CFAP46: variants seen among roughly 807,000 people sequenced by gnomAD.
The protein encoded by CFAP46 is cilia and flagella associated protein 46, also known as cilia- and flagella-associated protein 46.
In CFAP46, 245 loss-of-function variants were observed where a neutral mutation model predicts 325.7. The observed-to-expected ratio is 0.75, with a 90% CI of 0.68 to 0.84. CFAP46 has a LOEUF of 0.84. Among genes scored for constraint, CFAP46 ranks in the 40% least tolerant of loss-of-function variants. The pLI, the probability that CFAP46 is intolerant of heterozygous loss-of-function variation, is 0.00. For synonymous variants in CFAP46, 1,523 were observed against 1,495.9 expected (o/e 1.02, Z -0.42); for missense variants, 3,346 against 3,543.0 (o/e 0.94, Z 1.41).
chr10:132,836,097 C>G, intron 46 of CFAP46, 45 bp downstream of exon 46: 1 of 1,513,686 alleles, frequency 6.6e-7, no homozygotes, highest in Non-Finnish European at 8.9e-7. Flanking sequence ...CGCCCATGCT[C>G]CGCCTGCCCT....
intron 40 of CFAP46, among the ~76,000 whole-genome samples, 153 bp from the exon 41 acceptor site, chr10:132,850,585 GCTCTGGT>G (rs1848521909): frequency 6.6e-6 from 1 of 152,210 alleles, no homozygotes; most frequent in South Asian, 2.1e-4. Flanking sequence ...GGTCTCCAGG[GCTCTGGT>G]GTGGGGGTCA....
intron 25 of CFAP46, among the ~76,000 whole-genome samples, chr10:132,888,362 GCACCTGCCACCTT>G (rs1484695963): frequency 9.2e-5 from 4 of 43,706 alleles, no homozygotes; most frequent in Admixed American, 3.1e-4. Context: ...CCTGCCGCCT[GCACCTGCCACCTT>G]CACCCCTGCC....
At chr10:132,851,550 A>G (rs1336129139) in intron 39 of CFAP46, among the ~76,000 whole-genome samples, 1 of 152,174 alleles carries the variant, frequency 6.6e-6, no homozygotes, top group African/African-American at 2.4e-5. Context: ...CCGGTCACCT[A>G]GCTGCCTGCC....
chr10:132,812,652 G>T (rs573560911), intron 55 of CFAP46, 133 bp downstream of exon 55: 108 of 637,490 alleles, frequency 1.7e-4, no homozygotes, highest in African/African-American at 1.7e-3. Flanking sequence ...AGTCACAGAG[G>T]GTGGGGGGCA....
At chr10:132,918,842 T>C (rs1849676985) in intron 15 of CFAP46, among the ~76,000 whole-genome samples, 1 of 152,076 alleles carries the variant, frequency 6.6e-6, no homozygotes, top group Non-Finnish European at 1.5e-5. Flanking sequence ...CCTCCCTGAC[T>C]CCTGCAGGAC....
intron 44 of CFAP46, among the ~76,000 whole-genome samples, chr10:132,842,134 C>A (rs1164526637): frequency 6.6e-6 from 1 of 152,152 alleles, no homozygotes; most frequent in Non-Finnish European, 1.5e-5. Context: ...GTTATTTTTT[C>A]CCTTTTGCAG....
chr10:132,898,806 C>A (rs572236052), intron 24 of CFAP46, 153 bp downstream of exon 24: 2 of 1,061,490 alleles, frequency 1.9e-6, no homozygotes, highest in Non-Finnish European at 2.8e-6. Context: ...ACTTGGAGAC[C>A]CCCCTTAACC....
At chr10:132,899,793 C>T in intron 22 of CFAP46, 127 bp from the exon 23 acceptor site, 1 of 1,113,344 alleles carries the variant, frequency 9.0e-7, no homozygotes, top group Non-Finnish European at 1.2e-6. Flanking sequence ...TCCTGGCCCA[C>T]AAGCACATGT....
chr10:132,834,871 C>G (rs533961822), intron 47 of CFAP46, 96 bp from the exon 48 acceptor site: 2 of 1,458,912 alleles, frequency 1.4e-6, no homozygotes, highest in South Asian at 2.8e-5. Context: ...GAGCTCCTGC[C>G]CCTTCTGCAA....
At chr10:132,837,815 A>G (rs1235797085) in intron 44 of CFAP46, among the ~76,000 whole-genome samples, 20 of 151,100 alleles carry the variant, frequency 1.3e-4, no homozygotes, top group Admixed American at 1.3e-3. Context: ...GCACACGTAC[A>G]CAGATGCACA....
intron 15 of CFAP46, 83 bp from the exon 16 acceptor site, chr10:132,918,603 G>C: frequency 6.9e-7 from 1 of 1,451,704 alleles, no homozygotes; most frequent in Non-Finnish European, 9.1e-7. Flanking sequence ...CCATCTTGGA[G>C]TGCCTGAGCC....
chr10:132,821,233 ATGTGTGCTGTG>A (rs1372226024), intron 50 of CFAP46, among the ~76,000 whole-genome samples: 751 of 65,074 alleles, frequency 0.012, 9 homozygotes, highest in Middle Eastern at 0.033. Context: ...GTGTGTGCTG[ATGTGTGCTGTG>A]TGTGTGCTGT....
intron 21 of CFAP46, 88 bp downstream of exon 21, chr10:132,909,049 G>A (rs1564797077): frequency 2.2e-6 from 2 of 927,764 alleles, no homozygotes; most frequent in East Asian, 5.3e-5. Context: ...CATGCACGAT[G>A]GGGCTCGAGT....
In CFAP46 at chr10:132,939,552, G is replaced by A. The variant is rs952239588; in HGVS notation, c.372-799C>T. On this transcript the variant is annotated intron_variant, in intron 4 of 57. Transcript: ENST00000368586. This position sits in a 1 kb window ranked among gnomAD's most constrained non-coding sequence, Gnocchi z 4.6. The stretch of plus-strand genomic sequence containing the variant: ...ACCAGCACTGCTCAATGCCCAGGTG[G>A]GAGGAGGACACCAGGGTGGCTGTGG... Among the ~76,000 whole-genome samples the A allele has an allele frequency of 3.3e-5, 5 of 152,200 alleles. No homozygotes were observed. Among genetic ancestry groups the A allele is most frequent in the Admixed American group, 2.6e-4 (4 of 15,278 alleles).
chr10:132,901,138 T>C (rs761054589), intron 22 of CFAP46, among the ~76,000 whole-genome samples: 7 of 152,234 alleles, frequency 4.6e-5, no homozygotes, highest in Non-Finnish European at 8.8e-5. Flanking sequence ...TAGTTTATCA[T>C]TGGGTCTTGC....
intron 27 of CFAP46, among the ~76,000 whole-genome samples, chr10:132,883,344 C>T (rs1849074865): frequency 6.6e-6 from 1 of 152,240 alleles, no homozygotes; most frequent in Non-Finnish European, 1.5e-5. Flanking sequence ...TCTCCAACAA[C>T]CTACAAATGG....
intron 11 of CFAP46, 41 bp from the exon 12 acceptor site, chr10:132,922,749 C>A (rs752084023): frequency 6.7e-7 from 1 of 1,481,680 alleles, no homozygotes; most frequent in South Asian, 1.2e-5. Flanking sequence ...GGCGGCGCTG[C>A]GCCTCTGTCA....
intron 49 of CFAP46, among the ~76,000 whole-genome samples, 181 bp from the exon 50 acceptor site, chr10:132,833,706 G>A (rs1481239501): frequency 1.3e-5 from 2 of 152,204 alleles, no homozygotes; most frequent in African/African-American, 4.8e-5. Context: ...CTCCCATCAC[G>A]CCTGTCCCTC....
chr10:132,813,822 C>A (rs552524270), intron 54 of CFAP46, among the ~76,000 whole-genome samples: 9 of 152,206 alleles, frequency 5.9e-5, no homozygotes, highest in African/African-American at 2.2e-4. Flanking sequence ...CTCTGGACCA[C>A]GGAACCCCAA....
Sources: allele counts gnomAD v4.1 joint callset (sites outside exome capture counted in the v4.1 genomes callset), GRCh38; gene constraint gnomAD v4.1.1; non-coding constraint Gnocchi (gnomAD v3.1); transcripts MANE v1.5; gene names NCBI Gene and HGNC (gene_info 2026-07-23, HGNC 2026-07-21).